The following KCNQ1 variants were observed in gnomAD, a reference collection of about 807,000 sequenced individuals.
KCNQ1 encodes the protein potassium voltage-gated channel subfamily KQT member 1.
In KCNQ1, 49 loss-of-function variants were observed where a neutral mutation model predicts 72.4. The observed-to-expected ratio is 0.68, with a 90% confidence interval of 0.54 to 0.86. KCNQ1 has a LOEUF of 0.86. Among genes scored for constraint, KCNQ1 ranks in the 40% least tolerant of loss-of-function variants. The probability of loss-of-function intolerance (pLI) is 0.00; values close to 1 mark genes in which losing one functional copy is unlikely to be tolerated. For missense variants in KCNQ1, 790 were observed against 945.1 expected (o/e 0.84, Z 2.15); for synonymous variants, 450 against 412.6 (o/e 1.09, Z -1.10).
Position 2,827,996 on chromosome 11 carries a change from G to A in KCNQ1, c.1795-19771G>A, listed in dbSNP as rs1847874077. On this transcript the variant is annotated intron_variant, in intron 15 of 15. Coordinates refer to ENST00000155840, the MANE Select transcript of KCNQ1 (RefSeq NM_000218.3). This position sits in a 1 kb window ranked among gnomAD's most constrained non-coding sequence, Gnocchi z 6.7. ...GCACCACCGGGCACATAGAGGTCTTGAAAGCTCGAATGTGGGGAGGCCAGC... is the reference window on the plus strand; with the variant it reads ...GCACCACCGGGCACATAGAGGTCTTAAAAGCTCGAATGTGGGGAGGCCAGC... Among the ~76,000 whole-genome samples the A allele has an allele frequency of 6.6e-6, 1 of 152,208 alleles. No individual in the cohort carries two copies. The highest frequency in any genetic ancestry group is 2.4e-5 in the African/African-American group (1 of 41,452).
intron 1 of KCNQ1, among the ~76,000 whole-genome samples, chr11:2,520,001 G>A (rs970533396): frequency 4.6e-5 from 7 of 152,224 alleles, no homozygotes; most frequent in Admixed American, 2.0e-4. Flanking sequence ...CACCCAGGAC[G>A]CGGGAGCCCG....
intron 10 of KCNQ1, chr11:2,609,249 G>C (rs7104624): frequency 2.3e-5 from 9 of 397,952 alleles, no homozygotes; most frequent in African/African-American, 1.9e-4. Flanking sequence ...CTCAAAGTAC[G>C]TTCCATTTCC....
At chr11:2,460,066 T>A (rs1846251384) in intron 1 of KCNQ1, among the ~76,000 whole-genome samples, 1 of 152,162 alleles carries the variant, frequency 6.6e-6, no homozygotes, top group Non-Finnish European at 1.5e-5. Flanking sequence ...CAGGCCTTGG[T>A]GTCCTGACTG....
chr11:2,745,187 A>C lies in KCNQ1; in HGVS notation c.1515-23657A>C, dbSNP rs1055941506. ...TTTATTGCATTTCTTAAAAATTTCA[A>C]CTGGAAGTTTGCTTGGGATTGCCTC... On this transcript the variant is annotated intron_variant, in intron 11 of 15. Transcript: ENST00000155840. The surrounding 1 kb of genome is among the most constrained non-coding windows in gnomAD (Gnocchi z 6.2). Among the ~76,000 whole-genome samples the C allele has an allele frequency of 1.3e-5, 2 of 152,154 alleles. No individual in the cohort carries two copies. The highest frequency in any genetic ancestry group is 4.8e-5 in the African/African-American group (2 of 41,434).
Position 2,620,199 on chromosome 11 carries a change from G to GTATATATATATA in KCNQ1, c.1393+31347_1393+31358dup, listed in dbSNP as rs140322945. 41 of 295,360 alleles carry GTATATATATATA rather than the reference G, an allele frequency of 1.4e-4. No homozygotes were observed. The highest frequency in any genetic ancestry group is 1.3e-3 in the African/African-American group (39 of 30,702). 18.3% of individuals were successfully genotyped at this position (295,360 alleles called of 1,614,324 possible). ...CTGCAAAGGACGTAAGTTCATTCAT[G>GTATATATATATA]TATATATATATATTTTTTTTTTTTA... On this transcript the variant is annotated intron_variant, in intron 10 of 15. Coordinates refer to ENST00000155840, the MANE Select transcript of KCNQ1 (RefSeq NM_000218.3). The surrounding 1 kb of genome is among the most constrained non-coding windows in gnomAD (Gnocchi z 4.5).
intron 4 of KCNQ1, 35 bp downstream of exon 4, chr11:2,571,438 G>A (rs770206569): frequency 5.7e-6 from 9 of 1,573,204 alleles, no homozygotes; most frequent in Admixed American, 1.7e-5. Flanking sequence ...CCGCCATGCC[G>A]CCCCACCCCG....
rs1850707331 is a variant in KCNQ1, at chr11:2,698,015, G to A, written c.1514+35934G>A. The A allele has an allele frequency of 2.5e-6, 1 of 398,520 alleles. No individual in the cohort carries two copies. The highest frequency in any genetic ancestry group is 4.4e-5 in the Admixed American group (1 of 22,714). 24.7% of individuals were successfully genotyped at this position (398,520 alleles called of 1,614,324 possible). A position where few individuals can be genotyped will look rare whatever the true frequency, so the allele number is the denominator to read the frequency against. On this transcript the variant is annotated intron_variant, in intron 11 of 15. Transcript: ENST00000155840. The surrounding 1 kb of genome is among the most constrained non-coding windows in gnomAD (Gnocchi z 5.1). ...CCTACTGAGTATCTGGAAAACAGGT[G>A]CAGAAATGGATCATTTGAGACACCA... is the stretch of plus-strand genomic sequence containing the variant.
rs151188296 is a variant in KCNQ1, at chr11:2,477,074, A to G, written c.386+31590A>G. Among the ~76,000 whole-genome samples the G allele has an allele frequency of 9.2e-5, 14 of 152,346 alleles. No individual in the cohort carries two copies. The East Asian group carries it at 2.5e-3, about 27-fold the overall frequency. On this transcript the variant is annotated intron_variant, in intron 1 of 15. Coordinates refer to ENST00000155840, the MANE Select transcript of KCNQ1 (RefSeq NM_000218.3). This position sits in a 1 kb window ranked among gnomAD's most constrained non-coding sequence, Gnocchi z 5.0. ...GAGATGGCTTATTCTTTGGGAAAAA[A>G]TGTTAAGTCAAAATTAGGAAGAAGT...
rs930024098 is a variant in KCNQ1 at position 2,492,441 on chromosome 11, C to T, written c.387-35487C>T. 5.9e-5 allele frequency among the ~76,000 whole-genome samples: 9 copies of T among 152,270 alleles called. No homozygotes were observed. The highest frequency in any genetic ancestry group is 3.9e-4 in the East Asian group (2 of 5,186). The stretch of plus-strand genomic sequence containing the variant: ...ACAGTGCCATGGTGGTTTGCTGCAC[C>T]TATCAACCCATCATCTAGGTTTTAA... On this transcript the variant is annotated intron_variant, in intron 1 of 15. Transcript: ENST00000155840. This position sits in a 1 kb window ranked among gnomAD's most constrained non-coding sequence, Gnocchi z 4.1.
chr11:2,535,196 G>T (rs149831857), intron 2 of KCNQ1, among the ~76,000 whole-genome samples: 1 of 152,224 alleles, frequency 6.6e-6, no homozygotes, highest in Non-Finnish European at 1.5e-5. Context: ...GTGAAAGGAC[G>T]CTAGACACTG....
chr11:2,795,013 A>G (rs1847102360), intron 15 of KCNQ1, among the ~76,000 whole-genome samples: 1 of 152,140 alleles, frequency 6.6e-6, no homozygotes, highest in Non-Finnish European at 1.5e-5. Context: ...TCAAGACCTG[A>G]GTTTGATGAC....
chr11:2,518,382 CAG>C (rs1222686745), intron 1 of KCNQ1, among the ~76,000 whole-genome samples: 1 of 152,200 alleles, frequency 6.6e-6, no homozygotes, highest in Non-Finnish European at 1.5e-5. Context: ...ACAGGAGAGA[CAG>C]AGGCGGGGGG....
At position 2,613,687 on chromosome 11, in the gene KCNQ1, T is replaced by C; in HGVS notation, c.1393+24833T>C. 2 of 398,608 alleles carry C rather than the reference T, an allele frequency of 5.0e-6. No individual in the cohort carries two copies. The highest frequency in any genetic ancestry group is 4.4e-5 in the Admixed American group (1 of 22,736). The allele number at this position is 398,608 out of a possible 1,614,324, so 24.7% of individuals were successfully genotyped here. On this transcript the variant is annotated intron_variant, in intron 10 of 15. Coordinates refer to ENST00000155840, the MANE Select transcript of KCNQ1 (RefSeq NM_000218.3). The surrounding 1 kb of genome is among the most constrained non-coding windows in gnomAD (Gnocchi z 4.8). ...ACCACCTCAGAAGTGGTCCCTATCT[T>C]GTTAATTTTATTTTTTGAATACATA...
At position 2,645,653 on chromosome 11, in the gene KCNQ1, G is replaced by A. The variant is rs900967401; in HGVS notation, c.1394-16308G>A. The A allele has an allele frequency of 7.5e-6, 3 of 398,672 alleles. No homozygotes were observed. Among genetic ancestry groups the A allele is most frequent in the African/African-American group, 6.2e-5 (3 of 48,642 alleles). The allele number at this position is 398,672 out of a possible 1,614,324, so 24.7% of individuals were successfully genotyped here. A position where few individuals can be genotyped will look rare whatever the true frequency, so the allele number is the denominator to read the frequency against. On this transcript the variant is annotated intron_variant, in intron 10 of 15. Transcript: ENST00000155840. The surrounding 1 kb of genome is among the most constrained non-coding windows in gnomAD (Gnocchi z 5.8). ...TTCCTCATGGCAGCCTTGCTTCGGA[G>A]GTAGCAGAGTATTGCCAATGGCTCA...
At position 2,471,722 on chromosome 11, in the gene KCNQ1, ATGGGCGTGTG is replaced by A; in HGVS notation, c.386+26240_386+26249del. Among the ~76,000 whole-genome samples, 1 of 138,970 alleles carries A rather than the reference ATGGGCGTGTG, an allele frequency of 7.2e-6. No homozygotes were observed. The highest frequency in any genetic ancestry group is 3.0e-5 in the African/African-American group (1 of 32,842). The allele number at this position is 138,970 out of a possible 152,430, so 91.2% of individuals were successfully genotyped here. ...TGTGTATAGGTGTGTGTATGTGTGC[ATGGGCGTGTG>A]TATGTGTGCATGGGCGTGTGTGTAC... On this transcript the variant is annotated intron_variant, in intron 1 of 15. Coordinates refer to ENST00000155840, the MANE Select transcript of KCNQ1 (RefSeq NM_000218.3). This position sits in a 1 kb window ranked among gnomAD's most constrained non-coding sequence, Gnocchi z 4.8.
intron 11 of KCNQ1, among the ~76,000 whole-genome samples, chr11:2,705,029 G>A (rs1850883313): frequency 6.6e-6 from 1 of 152,168 alleles, no homozygotes; most frequent in Non-Finnish European, 1.5e-5. Context: ...GGCCCAGGGA[G>A]AGGCACACGG....
At chr11:2,726,497 C>T (rs1845766701) in intron 11 of KCNQ1, among the ~76,000 whole-genome samples, 3 of 152,136 alleles carry the variant, frequency 2.0e-5, no homozygotes, top group Non-Finnish European at 4.4e-5. Context: ...AGACACCACC[C>T]ACTGCAGGTT....
rs1465833912 is a variant in KCNQ1 at position 2,626,315 on chromosome 11, T to C, written c.1394-35646T>C. On this transcript the variant is annotated intron_variant, in intron 10 of 15. Transcript: ENST00000155840. The surrounding 1 kb of genome is among the most constrained non-coding windows in gnomAD (Gnocchi z 4.0). ...TCATTCTCTTGAGTTAATTTTTGTG[T>C]ATGGTATTAGGTAAGGGTCTCAACT... The C allele has an allele frequency of 2.5e-5, 10 of 398,454 alleles. No homozygotes were observed. Among genetic ancestry groups the C allele is most frequent in the Non-Finnish European group, 3.1e-5 (7 of 226,070 alleles). 24.7% of individuals were successfully genotyped at this position (398,454 alleles called of 1,614,324 possible).
chr11:2,776,007 G>T lies in KCNQ1; in HGVS notation c.1638G>T (p.Ser546=). 10 of 1,573,220 alleles carry T rather than the reference G, an allele frequency of 6.4e-6. No individual in the cohort carries two copies. The highest frequency in any genetic ancestry group is 8.6e-6 in the Non-Finnish European group (10 of 1,159,618). Residue 546 remains serine, a synonymous_variant, in exon 13 of 16, where the codon TCG becomes TCT. Coordinates refer to ENST00000155840, the MANE Select transcript of KCNQ1 (RefSeq NM_000218.3). ...YDVRDVIEQY[S]QGHLNLMVRI... ...TGCGGGACGTCATTGAGCAGTACTC[G>T]CAGGGCCACCTCAACCTCATGGTGC...
Sources: allele counts gnomAD v4.1 joint callset (sites outside exome capture counted in the v4.1 genomes callset), GRCh38; gene constraint gnomAD v4.1.1; non-coding constraint Gnocchi (gnomAD v3.1); transcripts MANE v1.5; gene names NCBI Gene and HGNC (gene_info 2026-07-23, HGNC 2026-07-21).